The following TAFA1 variants were observed in gnomAD, a reference collection of about 807,000 sequenced individuals.
The protein encoded by TAFA1 is TAFA chemokine like family member 1, also known as chemokine-like protein TAFA-1.
In TAFA1, 4 loss-of-function variants were observed where a neutral mutation model predicts 18.5. That is an observed-to-expected ratio of 0.22 (90% CI 0.11 to 0.49). The LOEUF (loss-of-function observed/expected upper bound fraction) is 0.49, where lower values mean the gene tolerates loss of function less well. Among genes scored for constraint, TAFA1 ranks in the 20% least tolerant of loss-of-function variants. The pLI is 0.98. For missense variants in TAFA1, 147 were observed against 169.0 expected, an observed-to-expected ratio of 0.87 and a Z score of 0.72; for synonymous variants, 56 against 55.2, an observed-to-expected ratio of 1.01 and a Z score of -0.06.
chr3:68,262,072 A>C (rs1357517759), intron 2 of TAFA1, among the ~76,000 whole-genome samples: 1 of 151,452 alleles, frequency 6.6e-6, no homozygotes, highest in African/African-American at 2.4e-5. Context: ...ATCCATGTTG[A>C]GCAAGTTGGA....
intron 2 of TAFA1, among the ~76,000 whole-genome samples, chr3:68,305,719 A>C (rs569373115): frequency 2.3e-4 from 35 of 151,970 alleles, no homozygotes; most frequent in Middle Eastern, 3.4e-3. Context: ...AAGTATCACC[A>C]AGGGAAGAGG....
chr3:68,458,729 C>A (rs984215564), intron 3 of TAFA1, among the ~76,000 whole-genome samples: 2 of 152,000 alleles, frequency 1.3e-5, no homozygotes, highest in African/African-American at 4.8e-5. Context: ...TCACTTTGAA[C>A]TGCTGGGGAA....
chr3:68,392,200 G>C (rs1254232809), intron 2 of TAFA1, among the ~76,000 whole-genome samples: 1 of 146,488 alleles, frequency 6.8e-6, no homozygotes, highest in South Asian at 2.1e-4. Flanking sequence ...AAAAAAAGTA[G>C]GGATTGCAAT....
intron 2 of TAFA1, among the ~76,000 whole-genome samples, chr3:68,151,737 C>T (rs1451235517): frequency 6.6e-6 from 1 of 152,132 alleles, no homozygotes; most frequent in African/African-American, 2.4e-5. Flanking sequence ...ATGTAATCAC[C>T]ATAATCAACA....
intron 2 of TAFA1, among the ~76,000 whole-genome samples, chr3:68,147,951 A>G (rs2065762658): frequency 6.6e-6 from 1 of 152,218 alleles, no homozygotes; most frequent in South Asian, 2.1e-4. Flanking sequence ...ATGTTGCCTC[A>G]ATTTCTGAGA....
chr3:68,058,565 C>T (rs996342565), intron 2 of TAFA1, among the ~76,000 whole-genome samples: 2 of 152,110 alleles, frequency 1.3e-5, no homozygotes, highest in Non-Finnish European at 2.9e-5. Context: ...TATTAATAGA[C>T]ATAGCTGAGA....
At chr3:68,343,148 T>C (rs1315831410) in intron 2 of TAFA1, among the ~76,000 whole-genome samples, 2 of 152,168 alleles carry the variant, frequency 1.3e-5, no homozygotes, top group African/African-American at 2.4e-5. Context: ...GAAGCAAATG[T>C]CCTAGGTTAA....
chr3:68,308,981 C>CCCT (rs2068470342), intron 2 of TAFA1, among the ~76,000 whole-genome samples: 1 of 152,178 alleles, frequency 6.6e-6, no homozygotes, highest in African/African-American at 2.4e-5. Context: ...CCAGTTGCTT[C>CCCT]ACATCCCTAG....
intron 3 of TAFA1, among the ~76,000 whole-genome samples, chr3:68,491,339 C>T (rs910688547): frequency 6.6e-6 from 1 of 152,042 alleles, no homozygotes; most frequent in African/African-American, 2.4e-5. Context: ...CACATATACA[C>T]CATGGAATAC....
At chr3:68,140,195 C>T (rs1416841066) in intron 2 of TAFA1, among the ~76,000 whole-genome samples, 2 of 152,180 alleles carry the variant, frequency 1.3e-5, no homozygotes. Flanking sequence ...AATTTGGTGA[C>T]AACAGCACTT....
chr3:68,494,734 G>T (rs973269910), intron 3 of TAFA1, among the ~76,000 whole-genome samples: 1 of 152,066 alleles, frequency 6.6e-6, no homozygotes, highest in African/African-American at 2.4e-5. Context: ...CTATTTTTAA[G>T]CCTCTGTTAT....
At chr3:68,129,626 A>G (rs192846993) in intron 2 of TAFA1, among the ~76,000 whole-genome samples, 63 of 152,356 alleles carry the variant, frequency 4.1e-4, no homozygotes, top group African/African-American at 1.5e-3. Context: ...CAAAGCATGG[A>G]TAATTATACG....
At chr3:68,255,378 A>G (rs567455424) in intron 2 of TAFA1, among the ~76,000 whole-genome samples, 2 of 152,286 alleles carry the variant, frequency 1.3e-5, no homozygotes, top group Middle Eastern at 6.8e-3. Flanking sequence ...GATTGCAGTA[A>G]TCATTAAATC....
rs565475562 is a variant in TAFA1 at position 68,272,147 on chromosome 3, C to T, written c.119-145133C>T. Among the ~76,000 whole-genome samples the T allele has an allele frequency of 1.7e-4, 26 of 152,244 alleles. No individual in the cohort carries two copies. The South Asian group carries it at 2.1e-3, about 12-fold the overall frequency. On this transcript the variant is annotated intron_variant, in intron 2 of 4. Transcript: ENST00000478136. ...CACTTTACAGAAAAAGAGCCTTATT[C>T]CCACCAGGTGAAAAGCTGCTCTTTT...
intron 3 of TAFA1, among the ~76,000 whole-genome samples, chr3:68,449,890 G>A (rs1030255585): frequency 9.2e-5 from 14 of 152,202 alleles, no homozygotes; most frequent in African/African-American, 3.1e-4. Flanking sequence ...CAAGAAAAAC[G>A]GAAAAGATAT....
chr3:68,461,377 A>ATATATATATATATATATATATG (rs1337466211), intron 3 of TAFA1, among the ~76,000 whole-genome samples: 6 of 142,026 alleles, frequency 4.2e-5, no homozygotes, highest in African/African-American at 1.7e-4. Context: ...ATATATATAT[A>ATATATATATATATATATATATG]TATGTATGTA....
At chr3:68,307,821 G>T (rs1252009542) in intron 2 of TAFA1, among the ~76,000 whole-genome samples, 1 of 152,132 alleles carries the variant, frequency 6.6e-6, no homozygotes, top group African/African-American at 2.4e-5. Flanking sequence ...ATGTGAGAAG[G>T]TGAGCTGAGG....
In TAFA1 at chr3:68,006,665, G is replaced by A; in HGVS notation, c.39G>A (p.Leu13=). 1.2e-6 allele frequency: 2 copies of A among 1,614,010 alleles called. No individual in the cohort carries two copies. The highest frequency in any genetic ancestry group is 1.7e-6 in the Non-Finnish European group (2 of 1,179,874). ...MVSAMSWVLY[L]WISACAMLLC... The stretch of plus-strand genomic sequence containing the variant: ...CTGCGATGTCCTGGGTCCTGTATTT[G>A]TGGATAAGTGCTTGTGCAATGCTAC... Residue 13 remains leucine, a synonymous_variant, in exon 2 of 5, where the codon TTG becomes TTA. Transcript: ENST00000478136.
rs971088324 is a variant in TAFA1, at chr3:68,545,284, T to C, written c.*781T>C. 1.8e-4 allele frequency: 28 copies of C among 152,574 alleles called. No individual in the cohort carries two copies. The highest frequency in any genetic ancestry group is 6.5e-4 in the African/African-American group (27 of 41,428). The allele number at this position is 152,574 out of a possible 1,614,324, so 9.5% of individuals were successfully genotyped here. ...AAATGAGGATTCTTAAGGGAGCCAC[T>C]CCACCATGCTATTAAGACTCTGGCA... On this transcript the variant is annotated 3_prime_UTR_variant, in exon 5 of 5. Coordinates refer to ENST00000478136, the MANE Select transcript of TAFA1 (RefSeq NM_213609.4).
Sources: allele counts gnomAD v4.1 joint callset (sites outside exome capture counted in the v4.1 genomes callset), GRCh38; gene constraint gnomAD v4.1.1; transcripts MANE v1.5; gene names NCBI Gene and HGNC (gene_info 2026-07-23, HGNC 2026-07-21).